Variants in CALD1 observed in about 807,000 individuals in gnomAD.
The protein encoded by CALD1 is caldesmon.
In CALD1, 33 loss-of-function variants were observed where a neutral mutation model predicts 99.9. The observed-to-expected ratio is 0.33, with a 90% CI of 0.25 to 0.44. The LOEUF (loss-of-function observed/expected upper bound fraction) is 0.44, where lower values mean the gene tolerates loss of function less well. Among genes scored for constraint, CALD1 ranks in the 20% least tolerant of loss-of-function variants. The probability of loss-of-function intolerance (pLI) is 1.00; values close to 1 mark genes in which losing one functional copy is unlikely to be tolerated. For missense variants in CALD1, 861 were observed against 962.1 expected (o/e 0.89, Z 1.39); for synonymous variants, 310 against 325.0 (o/e 0.95, Z 0.50).
the CALD1 span, among the ~76,000 whole-genome samples, chr7:134,732,865 C>T: frequency 6.6e-6 from 1 of 152,248 alleles, no homozygotes; most frequent in Admixed American, 6.5e-5. Context: ...TATCGTCACA[C>T]ATAAGAAATT....
intron 3 of CALD1, among the ~76,000 whole-genome samples, chr7:134,868,467 G>T (rs1204494644): frequency 1.3e-5 from 2 of 152,204 alleles, no homozygotes; most frequent in African/African-American, 4.8e-5. Flanking sequence ...ACAAAGGACA[G>T]TGTGGTATTT....
At chr7:134,781,795 CT>C (rs1397253107) in intron 1 of CALD1, among the ~76,000 whole-genome samples, 1 of 152,166 alleles carries the variant, frequency 6.6e-6, no homozygotes, top group African/African-American at 2.4e-5. Context: ...AAAAGATTGC[CT>C]TAAGTAAATA....
upstream of CALD1, among the ~76,000 whole-genome samples, chr7:134,778,172 A>G (rs1796958858): frequency 6.6e-6 from 1 of 152,184 alleles, no homozygotes; most frequent in South Asian, 2.1e-4. Context: ...GAGGGAAGCA[A>G]CCTTCCCAAA....
At chr7:134,747,612 G>A (rs1252878348) in intron 1 of CALD1, among the ~76,000 whole-genome samples, 2 of 152,168 alleles carry the variant, frequency 1.3e-5, no homozygotes, top group African/African-American at 2.4e-5. Context: ...GAAGGCCATC[G>A]CTGCCCAGAG....
intron 9 of CALD1, among the ~76,000 whole-genome samples, chr7:134,951,927 T>C (rs911729656): frequency 3.9e-5 from 6 of 152,178 alleles, no homozygotes; most frequent in African/African-American, 1.2e-4. Flanking sequence ...TCTTCAGAGA[T>C]TGGGACTTTT....
intron 1 of CALD1, among the ~76,000 whole-genome samples, chr7:134,843,201 C>T (rs1183056503): frequency 1.3e-5 from 2 of 152,174 alleles, no homozygotes; most frequent in Non-Finnish European, 2.9e-5. Context: ...GGGCAGCCAG[C>T]ATCTGTGTGT....
At chr7:134,733,544 CAA>C in the CALD1 span, among the ~76,000 whole-genome samples, 65 of 152,114 alleles carry the variant, frequency 4.3e-4, no homozygotes, top group Admixed American at 2.0e-4. Flanking sequence ...CGCGGTGGCT[CAA>C]GCCTGTAATC....
upstream of CALD1, among the ~76,000 whole-genome samples, chr7:134,777,506 A>T (rs776072129): frequency 6.6e-6 from 1 of 152,166 alleles, no homozygotes; most frequent in African/African-American, 2.4e-5. Flanking sequence ...TTGTAGCACA[A>T]CTTTTCTTTC....
chr7:134,890,773 C>T (rs923852249), intron 3 of CALD1, among the ~76,000 whole-genome samples: 3 of 152,320 alleles, frequency 2.0e-5, no homozygotes, highest in East Asian at 1.9e-4. Flanking sequence ...TGGGTGCAGA[C>T]GGGGCCTGCT....
chr7:134,722,029 C>T, the CALD1 span, among the ~76,000 whole-genome samples: 3 of 152,236 alleles, frequency 2.0e-5, no homozygotes, highest in East Asian at 5.8e-4. Context: ...GATGGTTTTT[C>T]TCTTTCTTAA....
At chr7:134,862,513 A>C (rs1216080965) in intron 2 of CALD1, among the ~76,000 whole-genome samples, 2 of 152,206 alleles carry the variant, frequency 1.3e-5, no homozygotes, top group Non-Finnish European at 1.5e-5. Context: ...TATTCTGGAA[A>C]ACTCAAAGCT....
chr7:134,938,685 T>G (rs1806186112), intron 6 of CALD1, among the ~76,000 whole-genome samples: 1 of 152,220 alleles, frequency 6.6e-6, no homozygotes, highest in African/African-American at 2.4e-5. Context: ...TATTTATTCA[T>G]TTCCCAGAAA....
At chr7:134,959,534 T>C (rs892325006) in intron 11 of CALD1, among the ~76,000 whole-genome samples, 13 of 151,970 alleles carry the variant, frequency 8.6e-5, no homozygotes, top group African/African-American at 2.9e-4. Context: ...CTCTACAAAA[T>C]AGAGAGAGGC....
At chr7:134,895,094 G>GAAATAAATAAAT (rs199802906) in intron 3 of CALD1, among the ~76,000 whole-genome samples, 14 of 142,966 alleles carry the variant, frequency 9.8e-5, no homozygotes, top group African/African-American at 1.6e-4. Flanking sequence ...ACAGTGCTGG[G>GAAATAAATAAAT]AAATAAATAA....
intron 1 of CALD1, among the ~76,000 whole-genome samples, chr7:134,789,031 TAAAAAAAAAAA>T (rs35315682): frequency 8.6e-6 from 1 of 116,826 alleles, no homozygotes; most frequent in Non-Finnish European, 1.7e-5. Flanking sequence ...AAACAAAAAG[TAAAAAAAAAAA>T]AAAAAAAAAG....
At chr7:134,755,459 T>G (rs1017569162) in intron 1 of CALD1, among the ~76,000 whole-genome samples, 10 of 152,350 alleles carry the variant, frequency 6.6e-5, no homozygotes, top group African/African-American at 2.4e-4. Flanking sequence ...TGCCTACTAT[T>G]ATTTGGTTTT....
intron 1 of CALD1, chr7:134,744,450 CGTG>C (rs1554420826): frequency 1.4e-5 from 2 of 140,862 alleles, no homozygotes; most frequent in Non-Finnish European, 3.1e-5. Context: ...ATCAGGAAGT[CGTG>C]TGTGTGTGTG....
At chr7:134,744,770 T>C (rs1585894757) in intron 1 of CALD1, among the ~76,000 whole-genome samples, 1 of 152,112 alleles carries the variant, frequency 6.6e-6, no homozygotes, top group East Asian at 1.9e-4. Context: ...GTTTCTGCTC[T>C]TCCTTGAAGA....
intron 3 of CALD1, chr7:134,891,621 A>G (rs1265783378): frequency 2.5e-6 from 4 of 1,609,016 alleles, no homozygotes; most frequent in African/African-American, 1.3e-5. Context: ...AACTGCGGAC[A>G]TGCTGGGTGG....
Sources: gnomAD v4.1 joint callset for allele counts (sites outside exome capture counted in the v4.1 genomes callset) on GRCh38, gnomAD v4.1.1 for gene constraint, MANE v1.5 for transcripts, NCBI Gene and HGNC (gene_info 2026-07-23, HGNC 2026-07-21) for gene names.